PDE6B: variants seen among roughly 807,000 people sequenced by gnomAD.
The protein encoded by PDE6B is phosphodiesterase 6B, also known as rod cGMP-specific 3',5'-cyclic phosphodiesterase subunit beta.
Under a neutral mutation model 109.0 loss-of-function variants are expected in PDE6B, and 106 were observed. The observed-to-expected ratio is 0.97, with a 90% CI of 0.83 to 1.14. PDE6B has a LOEUF of 1.14. Among genes scored for constraint, PDE6B ranks in the 50% most tolerant of loss-of-function variants. The probability of loss-of-function intolerance (pLI) is 0.00; values close to 1 mark genes in which losing one functional copy is unlikely to be tolerated. For missense variants in PDE6B, 1,193 were observed against 1,155.6 expected (o/e 1.03, Z -0.47); for synonymous variants, 490 against 471.3 (o/e 1.04, Z -0.51).
In PDE6B at chr4:655,785, G is replaced by A. The variant is rs976449037; in HGVS notation, c.993-155G>A. On this transcript the variant is annotated intron_variant, in intron 6 of 21. Transcript: ENST00000496514. ...GCCCCTCTGACCCCTGCACACACAC[G>A]TGCAGCCCAGACCAGCCCCTCTGAC... is the stretch of plus-strand genomic sequence containing the variant. The A allele has an allele frequency of 3.6e-5, 25 of 694,950 alleles. No individual in the cohort carries two copies. In the Admixed American group the frequency reaches 4.0e-4, roughly 11 times the overall value. The allele number at this position is 694,950 out of a possible 1,614,324, so 43.0% of individuals were successfully genotyped here. A position where few individuals can be genotyped will look rare whatever the true frequency, so the allele number is the denominator to read the frequency against.
intron 3 of PDE6B, among the ~76,000 whole-genome samples, chr4:651,249 AG>A (rs544008917): frequency 1.4e-4 from 21 of 146,040 alleles, no homozygotes; most frequent in African/African-American, 4.8e-4. Context: ...CAGGCGGGGC[AG>A]GGGCTGAGGC....
chr4:639,540 C>A (rs1407327066), intron 3 of PDE6B, among the ~76,000 whole-genome samples: 2 of 152,176 alleles, frequency 1.3e-5, no homozygotes, highest in South Asian at 2.1e-4. Flanking sequence ...AAGTGGGGAG[C>A]CCAGGCTTCT....
chr4:664,760 T>C, intron 17 of PDE6B, 121 bp from the exon 18 acceptor site: 1 of 816,278 alleles, frequency 1.2e-6, no homozygotes, highest in South Asian at 1.3e-5. Context: ...GAGCTGAGAT[T>C]GCGCCATTGC....
In PDE6B at chr4:662,046, GCTTCCA is replaced by G; in HGVS notation, c.1615-85_1615-80del. The G allele has an allele frequency of 8.3e-6, 6 of 721,990 alleles. No homozygotes were observed. The highest frequency in any genetic ancestry group is 1.3e-5 in the Non-Finnish European group (5 of 393,352). 44.7% of individuals were successfully genotyped at this position (721,990 alleles called of 1,614,324 possible). A position where few individuals can be genotyped will look rare whatever the true frequency, so the allele number is the denominator to read the frequency against. ...TGTGGGGATGATGGCACGGAGCAGG[GCTTCCA>G]CTGTGAAGTCAGCCACAGGTGCCGC... On this transcript the variant is annotated intron_variant, in intron 12 of 21. Transcript: ENST00000496514. This position sits in a 1 kb window ranked among gnomAD's most constrained non-coding sequence, Gnocchi z 4.3.
chr4:642,630 C>CA (rs1181881994), intron 3 of PDE6B, among the ~76,000 whole-genome samples: 3 of 143,604 alleles, frequency 2.1e-5, no homozygotes, highest in African/African-American at 5.2e-5. Context: ...ACCATCTCTA[C>CA]AAAAAATGCA....
chr4:632,020 G>A (rs1734409902), intron 1 of PDE6B, among the ~76,000 whole-genome samples: 2 of 151,398 alleles, frequency 1.3e-5, no homozygotes, highest in Non-Finnish European at 2.9e-5. Flanking sequence ...GGGTCATGTT[G>A]TGTGGATCTG....
rs753353991 is a variant in PDE6B, at chr4:654,832, C to T, written c.936C>T (p.Val312=). ...GPRTPDGREI[V]FYKVIDYVLH... is the part of the protein sequence containing the mutation. ...TGTCTTCTGCTTCTCAGGAAATTGT[C>T]TTCTACAAAGTGATCGACTACGTCC... Residue 312 remains valine (V), a synonymous_variant, in exon 6 of 22, where the codon GTC becomes GTT. Transcript: ENST00000496514. The T allele has an allele frequency of 4.5e-6, 7 of 1,557,356 alleles. No homozygotes were observed. Among genetic ancestry groups the T allele is most frequent in the Non-Finnish European group, 1.8e-6 (2 of 1,128,166 alleles).
rs1042975006 is a variant in PDE6B at position 636,058 on chromosome 4, T to C, written c.711+89T>C. 14 of 809,322 alleles carry C rather than the reference T, an allele frequency of 1.7e-5. No individual in the cohort carries two copies. The highest frequency in any genetic ancestry group is 1.6e-4 in the South Asian group (12 of 74,416). 50.1% of individuals were successfully genotyped at this position (809,322 alleles called of 1,614,324 possible). On this transcript the variant is annotated intron_variant, in intron 3 of 21. Coordinates refer to ENST00000496514, the MANE Select transcript of PDE6B (RefSeq NM_000283.4). The surrounding 1 kb of genome is among the most constrained non-coding windows in gnomAD (Gnocchi z 4.5). ...CTGCACAGAGGCGGGTGGTGGCAGG[T>C]GGTCTTGTGCTCACCTGGGTAGGTC...
chr4:625,633 C>T lies in PDE6B; in HGVS notation c.7C>T (p.Leu3Phe). 6.2e-7 allele frequency: 1 copy of T among 1,611,802 alleles called. No homozygotes were observed. The change falls in exon 1 of 22, where the codon CTC (leucine) becomes TTC (phenylalanine). Residue 3 changes from leucine (L) to phenylalanine (F), a missense_variant. Physicochemically the swap from Leu to Phe is conservative, Grantham distance 22. Transcript: ENST00000496514. This position sits in a 1 kb window ranked among gnomAD's most constrained non-coding sequence, Gnocchi z 5.0. ...CCAGGGACAGGCAGCCACCATGAGC[C>T]TCAGTGAGGAGCAGGCCCGGAGCTT... MS[L>F]SEEQARSFLD...
rs562009091 is a variant in PDE6B at position 648,081 on chromosome 4, A to T, written c.712-5771A>T. Among the ~76,000 whole-genome samples, 31 of 151,904 alleles carry T rather than the reference A, an allele frequency of 2.0e-4. 1 individual carries two copies. In the South Asian group the frequency reaches 3.7e-3, roughly 18 times the overall value. On this transcript the variant is annotated intron_variant, in intron 3 of 21. Coordinates refer to ENST00000496514, the MANE Select transcript of PDE6B (RefSeq NM_000283.4). The surrounding 1 kb of genome is among the most constrained non-coding windows in gnomAD (Gnocchi z 4.5). ...CAAGAGCAAAACTCCATCTCGAAAA[A>T]AAAAAGAAAGAAAGAGCCAAGAGTC... is the stretch of plus-strand genomic sequence containing the variant.
intron 3 of PDE6B, among the ~76,000 whole-genome samples, chr4:639,991 C>G (rs1434903273): frequency 6.6e-6 from 1 of 151,850 alleles, no homozygotes; most frequent in East Asian, 1.9e-4. Flanking sequence ...GAGCGAGACT[C>G]CATCTCCAAA....
chr4:635,856 C>T lies in PDE6B; in HGVS notation c.622-24C>T, dbSNP rs532105875. ...TGTCTGAAAACTGGAATTTTAATTC[C>T]TCTTGTTGCAATTCCTGTTTCAGGT... On this transcript the variant is annotated intron_variant, in intron 2 of 21. Coordinates refer to ENST00000496514, the MANE Select transcript of PDE6B (RefSeq NM_000283.4). 14 of 1,252,414 alleles carry T rather than the reference C, an allele frequency of 1.1e-5. No homozygotes were observed. In the South Asian group the frequency reaches 1.7e-4, roughly 15 times the overall value. 77.6% of individuals were successfully genotyped at this position (1,252,414 alleles called of 1,614,324 possible).
chr4:634,563 C>T (rs1171331067), intron 1 of PDE6B, 114 bp from the exon 2 acceptor site: 2 of 889,558 alleles, frequency 2.2e-6, no homozygotes, highest in Non-Finnish European at 3.8e-6. Flanking sequence ...GGCCCCTGGG[C>T]ACCTCACACC....
rs562606802 is a variant in PDE6B at position 636,257 on chromosome 4, G to A, written c.711+288G>A. 6.6e-6 allele frequency among the ~76,000 whole-genome samples: 1 copy of A among 152,350 alleles called. No homozygotes were observed. Among genetic ancestry groups the A allele is most frequent in the Non-Finnish European group, 1.5e-5 (1 of 68,020 alleles). On this transcript the variant is annotated intron_variant, in intron 3 of 21. Transcript: ENST00000496514. The surrounding 1 kb of genome is among the most constrained non-coding windows in gnomAD (Gnocchi z 4.5). ...TAGAGGCTGCCCCCAACCTCCTTGG[G>A]AGAAGCCAGTATGAGTGACGAGTGA...
At chr4:661,564 T>G (rs1215386027) in intron 12 of PDE6B, 1 of 154,180 alleles carries the variant, frequency 6.5e-6, no homozygotes, top group East Asian at 1.9e-4. Flanking sequence ...AAAAGAAGTT[T>G]TACTAAATAC....
chr4:659,439 G>A (rs1299605973), intron 11 of PDE6B, among the ~76,000 whole-genome samples: 1 of 152,156 alleles, frequency 6.6e-6, no homozygotes, highest in Admixed American at 6.5e-5. Context: ...ATGTGTGCAC[G>A]CACATGGGTG....
chr4:655,520 G>T, intron 6 of PDE6B: 1 of 349,424 alleles, frequency 2.9e-6, no homozygotes, highest in African/African-American at 2.1e-5. Flanking sequence ...GAAGCCATAC[G>T]GCCTCCGGAG....
chr4:637,231 G>GT lies in PDE6B; in HGVS notation c.711+1273dup, dbSNP rs564152995. ...GGGGTTTTGCTTTGCTTTGTTTTTT[G>GT]TTTTTTTTTTTATGTTTTTGGTTTT... On this transcript the variant is annotated intron_variant, in intron 3 of 21. Coordinates refer to ENST00000496514, the MANE Select transcript of PDE6B (RefSeq NM_000283.4). 6.3e-3 allele frequency among the ~76,000 whole-genome samples: 900 copies of GT among 142,682 alleles called. 4 individuals carry two copies. The highest frequency in any genetic ancestry group is 0.017 in the African/African-American group (671 of 39,150). The allele number at this position is 142,682 out of a possible 152,430, so 93.6% of individuals were successfully genotyped here.
intron 3 of PDE6B, among the ~76,000 whole-genome samples, chr4:643,181 A>C (rs1735028089): frequency 6.6e-6 from 1 of 152,042 alleles, no homozygotes; most frequent in Non-Finnish European, 1.5e-5. Flanking sequence ...GGTGGCAGAC[A>C]TCTGTAGTCC....
Sources: gnomAD v4.1 joint callset for allele counts (sites outside exome capture counted in the v4.1 genomes callset) on GRCh38, gnomAD v4.1.1 for gene constraint, Gnocchi (gnomAD v3.1) non-coding constraint, MANE v1.5 for transcripts, NCBI Gene and HGNC (gene_info 2026-07-23, HGNC 2026-07-21) for gene names.